Variants in BEGAIN observed in about 807,000 individuals in gnomAD.
BEGAIN encodes brain-enriched guanylate kinase-associated protein.
In BEGAIN, 19 loss-of-function variants were observed where a neutral mutation model predicts 35.8. The observed-to-expected ratio is 0.53, with a 90% CI of 0.37 to 0.78. BEGAIN has a LOEUF of 0.78. BEGAIN is among the 30% of genes least tolerant of loss of function. The pLI, the probability that BEGAIN is intolerant of heterozygous loss-of-function variation, is 0.00. For missense variants in BEGAIN, 795 were observed against 853.6 expected (o/e 0.93, Z 0.85); for synonymous variants, 462 against 388.6 (o/e 1.19, Z -2.22).
Position 100,538,956 on chromosome 14 carries a change from G to A in BEGAIN, c.852C>T (p.Ser284=), listed in dbSNP as rs780832846. ...GFLRAQNSTD[S]AAEEEEEAEA... ...CGGCCTCCTCCTCCTCCTCGGCCGC[G>A]CTGTCAGTGGAGTTCTGGGCCCGCA... Residue 284 remains serine, a synonymous_variant, in exon 7 of 7, where the codon AGC becomes AGT. Coordinates refer to ENST00000554140, the MANE Select transcript of BEGAIN (RefSeq NM_001385089.1). 21 of 1,609,244 alleles carry A rather than the reference G, an allele frequency of 1.3e-5. No individual in the cohort carries two copies. Among genetic ancestry groups the A allele is most frequent in the South Asian group, 5.5e-5 (5 of 90,786 alleles).
rs532040222 is a variant in BEGAIN, at chr14:100,551,686, A to G, written c.72-5024T>C. ...TGAAAAATCAGAGAAAAAAATTGCT[A>G]AAGATCAAATTTTGGTACCCCCACC... On this transcript the variant is annotated intron_variant, in intron 2 of 6. Transcript: ENST00000554140. 1.1e-4 allele frequency among the ~76,000 whole-genome samples: 17 copies of G among 152,330 alleles called. No individual in the cohort carries two copies. The South Asian group carries it at 3.3e-3, about 30-fold the overall frequency.
At chr14:100,553,616 C>T (rs1200576196) in intron 2 of BEGAIN, among the ~76,000 whole-genome samples, 1 of 152,144 alleles carries the variant, frequency 6.6e-6, no homozygotes, top group East Asian at 1.9e-4. Context: ...ATGTCCTCGT[C>T]TCCCTTCTCT....
At chr14:100,546,708 G>A (rs777591206) in intron 2 of BEGAIN, 46 bp from the exon 3 acceptor site, 5 of 1,514,500 alleles carry the variant, frequency 3.3e-6, no homozygotes, top group African/African-American at 2.9e-5. Context: ...CGCTGAGCGG[G>A]GGAAACTAAG....
chr14:100,543,127 C>G (rs188779394), intron 5 of BEGAIN, among the ~76,000 whole-genome samples: 1 of 152,320 alleles, frequency 6.6e-6, no homozygotes, highest in East Asian at 1.9e-4. Flanking sequence ...TCCCTCAGGT[C>G]CTGGCACAGC....
Position 100,568,326 on chromosome 14 carries a change from A to G in BEGAIN, c.43-387T>C. 1 of 563,766 alleles carries G rather than the reference A, an allele frequency of 1.8e-6. No homozygotes were observed. Among genetic ancestry groups the G allele is most frequent in the South Asian group, 2.8e-5 (1 of 36,062 alleles). The allele number at this position is 563,766 out of a possible 1,614,324, so 34.9% of individuals were successfully genotyped here. On this transcript the variant is annotated intron_variant, in intron 1 of 6. Coordinates refer to ENST00000554140, the MANE Select transcript of BEGAIN (RefSeq NM_001385089.1). The surrounding 1 kb of genome is among the most constrained non-coding windows in gnomAD (Gnocchi z 7.5). ...CGCTGCTCCCCCCGCCCCGCCCGTT[A>G]ACCCTTCCTGCCCCGCGCTCCCTCC...
At chr14:100,584,641 T>G (rs76974667) in intron 1 of BEGAIN, among the ~76,000 whole-genome samples, 1,871 of 152,176 alleles carry the variant, frequency 0.012, 40 homozygotes, top group African/African-American at 0.043. Context: ...CTGGCCAGCT[T>G]CTCCCACCAC....
chr14:100,542,056 C>T (rs1189627544), intron 5 of BEGAIN, among the ~76,000 whole-genome samples: 1 of 152,208 alleles, frequency 6.6e-6, no homozygotes, highest in Admixed American at 6.5e-5. Flanking sequence ...GAGAGGGCCC[C>T]AGGACTAGTG....
intron 5 of BEGAIN, among the ~76,000 whole-genome samples, chr14:100,542,209 C>T (rs1333026366): frequency 6.6e-6 from 1 of 152,190 alleles, no homozygotes; most frequent in Non-Finnish European, 1.5e-5. Context: ...CACCACCGAC[C>T]TCCAGTTCCC....
In BEGAIN at chr14:100,538,725, G is replaced by C; in HGVS notation, c.1083C>G (p.Thr361=). 6.4e-7 allele frequency: 1 copy of C among 1,567,516 alleles called. No homozygotes were observed. Among genetic ancestry groups the C allele is most frequent in the Non-Finnish European group, 8.6e-7 (1 of 1,156,870 alleles). The change falls in exon 7 of 7, where the codon ACC becomes ACG. Residue 361 remains threonine, a synonymous_variant. Coordinates refer to ENST00000554140, the MANE Select transcript of BEGAIN (RefSeq NM_001385089.1). ...TGGCAAAGCGAGGGCTGCCCTCGTAGGTGGTGGCGGGTGGCTTGCGGTCGA... is the reference window on the plus strand; with the variant it reads ...TGGCAAAGCGAGGGCTGCCCTCGTACGTGGTGGCGGGTGGCTTGCGGTCGA... ...ELFDRKPPAT[T]YEGSPRFAKA... is the part of the protein sequence containing the mutation.
chr14:100,545,715 C>T (rs1361488109), intron 3 of BEGAIN, among the ~76,000 whole-genome samples: 2 of 152,088 alleles, frequency 1.3e-5, no homozygotes, highest in African/African-American at 4.8e-5. Flanking sequence ...CTGGCAGGGC[C>T]CAGATTTTAA....
At chr14:100,578,016 T>TG (rs1298465791) in intron 1 of BEGAIN, 3 of 398,800 alleles carry the variant, frequency 7.5e-6, no homozygotes, top group Admixed American at 8.8e-5. Context: ...TCTCCTCCCA[T>TG]GGGGCTGGGA....
chr14:100,582,051 G>A lies in BEGAIN; in HGVS notation c.42+5198C>T, dbSNP rs116283850. Among the ~76,000 whole-genome samples, 1,401 of 152,360 alleles carry A rather than the reference G, an allele frequency of 9.2e-3. 29 individuals carry two copies. Among genetic ancestry groups the A allele is most frequent in the African/African-American group, 0.031 (1,295 of 41,584 alleles). Reference sequence around the variant, plus strand: ...GTAAACCCCCATGGTGCGGGCATGCGCCAGGGGCCGCAGCATAGGCCAGCA... The same window carrying A: ...GTAAACCCCCATGGTGCGGGCATGCACCAGGGGCCGCAGCATAGGCCAGCA... On this transcript the variant is annotated intron_variant, in intron 1 of 6. Coordinates refer to ENST00000554140, the MANE Select transcript of BEGAIN (RefSeq NM_001385089.1).
intron 2 of BEGAIN, among the ~76,000 whole-genome samples, chr14:100,566,558 A>G (rs937850412): frequency 6.6e-6 from 1 of 152,128 alleles, no homozygotes; most frequent in Non-Finnish European, 1.5e-5. Flanking sequence ...ATGACAGCCA[A>G]TGTGGGGCAC....
chr14:100,562,910 C>T (rs1022989355), intron 2 of BEGAIN, among the ~76,000 whole-genome samples: 10 of 152,184 alleles, frequency 6.6e-5, no homozygotes, highest in Admixed American at 2.0e-4. Context: ...TCCTCAGCGC[C>T]GACAGCAGCC....
intron 4 of BEGAIN, 39 bp from the exon 5 acceptor site, chr14:100,544,004 G>T: frequency 3.3e-6 from 5 of 1,521,966 alleles, no homozygotes; most frequent in Non-Finnish European, 4.5e-6. Flanking sequence ...CCCGTGGTTG[G>T]CTCCTGGTGA....
At position 100,576,638 on chromosome 14, in the gene BEGAIN, G is replaced by A. The variant is rs535092093; in HGVS notation, c.43-8699C>T. ...CACGAGCAACATCCGGGCAGCCCACGAGGACCCTCCCTGGCCCAGGGGACA... is the reference window on the plus strand; with the variant it reads ...CACGAGCAACATCCGGGCAGCCCACAAGGACCCTCCCTGGCCCAGGGGACA... On this transcript the variant is annotated intron_variant, in intron 1 of 6. Coordinates refer to ENST00000554140, the MANE Select transcript of BEGAIN (RefSeq NM_001385089.1). Among the ~76,000 whole-genome samples the A allele has an allele frequency of 3.3e-5, 5 of 152,272 alleles. No homozygotes were observed. In the East Asian group the frequency reaches 7.7e-4, roughly 24 times the overall value.
intron 2 of BEGAIN, among the ~76,000 whole-genome samples, chr14:100,553,773 C>T (rs1222986690): frequency 6.6e-6 from 1 of 152,216 alleles, no homozygotes; most frequent in African/African-American, 2.4e-5. Context: ...GCTGGACAAC[C>T]CTCCTGCTGG....
At chr14:100,584,724 A>T (rs1313401088) in intron 1 of BEGAIN, among the ~76,000 whole-genome samples, 1 of 152,134 alleles carries the variant, frequency 6.6e-6, no homozygotes, top group African/African-American at 2.4e-5. Context: ...TAAGCTTCTG[A>T]TACGGAGCCC....
chr14:100,575,378 G>A (rs779490613), intron 1 of BEGAIN, among the ~76,000 whole-genome samples: 4 of 152,124 alleles, frequency 2.6e-5, no homozygotes, highest in South Asian at 2.1e-4. Context: ...CTATCATCCC[G>A]GCGGCTGAAT....
Sources: gnomAD v4.1 joint callset for allele counts (sites outside exome capture counted in the v4.1 genomes callset) on GRCh38, gnomAD v4.1.1 for gene constraint, Gnocchi (gnomAD v3.1) non-coding constraint, MANE v1.5 for transcripts, NCBI Gene and HGNC (gene_info 2026-07-23, HGNC 2026-07-21) for gene names.